The following PCDH15 variants were observed in gnomAD, a reference collection of about 807,000 sequenced individuals.
PCDH15 encodes the protein protocadherin related 15.
Under a neutral mutation model 178.5 loss-of-function variants are expected in PCDH15, and 129 were observed. The observed-to-expected ratio is 0.72, with a 90% confidence interval of 0.63 to 0.84. PCDH15 has a LOEUF of 0.84. PCDH15 is among the 40% of genes least tolerant of loss of function. The probability of loss-of-function intolerance (pLI) is 0.00; values close to 1 mark genes in which losing one functional copy is unlikely to be tolerated. For missense variants in PCDH15, 2,230 were observed against 2,099.9 expected (o/e 1.06, Z -1.21); for synonymous variants, 800 against 732.0 (o/e 1.09, Z -1.50).
chr10:54,732,210 T>A (rs1428866350), intron 1 of PCDH15, among the ~76,000 whole-genome samples: 2 of 151,162 alleles, frequency 1.3e-5, no homozygotes, highest in Non-Finnish European at 3.0e-5. Context: ...AAATTCAAAT[T>A]CATATTAGGA....
rs180720671 is a variant in PCDH15, at chr10:54,305,019, C to T, written c.876+12252G>A. 2.1e-3 allele frequency among the ~76,000 whole-genome samples: 319 copies of T among 152,168 alleles called. 1 individual carries two copies. The highest frequency in any genetic ancestry group is 5.3e-3 in the African/African-American group (222 of 41,548). Reference sequence around the variant, plus strand: ...AAAAAATCTTAATCATAAAGCCCAACACTTATACTATGGCTTCTTAAAAGT... The same window carrying T: ...AAAAAATCTTAATCATAAAGCCCAATACTTATACTATGGCTTCTTAAAAGT... On this transcript the variant is annotated intron_variant, in intron 8 of 37. Transcript: ENST00000644397.
rs557619537 is a variant in PCDH15, at chr10:55,546,935, T to C, written c.-156+80690A>G. Among the ~76,000 whole-genome samples, 11 of 151,966 alleles carry C rather than the reference T, an allele frequency of 7.2e-5. No homozygotes were observed. The South Asian group carries it at 2.3e-3, about 32-fold the overall frequency. On this transcript the variant is annotated intron_variant, in intron 2 of 5. Coordinates refer to the PCDH15 transcript ENST00000613346. ...CTTTCAGTCCATGAGGCAGGTCTGA[T>C]ACCTGTGAAAGAATAAGGGAAAAGA... is the stretch of plus-strand genomic sequence containing the variant.
At chr10:54,349,113 TAAAAC>T (rs1332960350) in intron 5 of PCDH15, among the ~76,000 whole-genome samples, 2 of 152,074 alleles carry the variant, frequency 1.3e-5, no homozygotes, top group East Asian at 3.8e-4. Flanking sequence ...AAAATCAAAA[TAAAAC>T]AAACAAATTT....
intron 2 of PCDH15, among the ~76,000 whole-genome samples, chr10:55,346,045 G>C (rs938923154): frequency 1.3e-5 from 2 of 152,064 alleles, no homozygotes; most frequent in Non-Finnish European, 2.9e-5. Context: ...GAATAGAATT[G>C]TGATGCCATA....
intron 21 of PCDH15, among the ~76,000 whole-genome samples, chr10:53,986,576 A>C (rs929691215): frequency 1.3e-5 from 2 of 152,244 alleles, no homozygotes; most frequent in African/African-American, 4.8e-5. Flanking sequence ...GAAACAGACT[A>C]AATGTTCATT....
At chr10:54,183,683 A>T in intron 12 of PCDH15, 90 bp from the exon 13 acceptor site, 1 of 1,471,232 alleles carries the variant, frequency 6.8e-7, no homozygotes, top group Admixed American at 1.7e-5. Context: ...AGTTTCTTAC[A>T]GGTAATCTTA....
At chr10:54,043,528 C>T (rs1344616875) in intron 18 of PCDH15, among the ~76,000 whole-genome samples, 1 of 151,972 alleles carries the variant, frequency 6.6e-6, no homozygotes, top group Non-Finnish European at 1.5e-5. Flanking sequence ...GCTGGGACTA[C>T]AGGTATGCAC....
intron 3 of PCDH15, among the ~76,000 whole-genome samples, chr10:54,465,115 T>C (rs1020488919): frequency 9.2e-5 from 14 of 152,264 alleles, no homozygotes; most frequent in African/African-American, 3.4e-4. Context: ...TAGGTATATA[T>C]ATTTCTATCT....
intron 2 of PCDH15, among the ~76,000 whole-genome samples, chr10:55,499,370 C>A (rs1396583885): frequency 1.4e-5 from 2 of 146,336 alleles, no homozygotes; most frequent in African/African-American, 5.0e-5. Context: ...TGTAAAGGAG[C>A]AATTTAAACT....
intron 3 of PCDH15, among the ~76,000 whole-genome samples, chr10:54,398,151 CTG>C (rs1305477930): frequency 2.6e-5 from 4 of 151,240 alleles, no homozygotes; most frequent in African/African-American, 7.3e-5. Flanking sequence ...TTATTTTTGC[CTG>C]TCTTTAAGAT....
At chr10:55,350,283 A>G (rs1432235061) in intron 2 of PCDH15, among the ~76,000 whole-genome samples, 1 of 143,034 alleles carries the variant, frequency 7.0e-6, no homozygotes, top group African/African-American at 2.6e-5. Flanking sequence ...ACACACACAC[A>G]CACATACATA....
intron 1 of PCDH15, among the ~76,000 whole-genome samples, chr10:54,682,309 T>A (rs1358958427): frequency 6.6e-6 from 1 of 152,166 alleles, no homozygotes; most frequent in Non-Finnish European, 1.5e-5. Context: ...TTAAAACACT[T>A]GGATAGTAGC....
intron 6 of PCDH15, among the ~76,000 whole-genome samples, chr10:54,336,944 G>T (rs1342186687): frequency 6.6e-6 from 1 of 152,160 alleles, no homozygotes; most frequent in African/African-American, 2.4e-5. Flanking sequence ...GGGTGGAGCT[G>T]CCCAAGACCA....
At chr10:54,938,435 T>C (rs1157200267) in intron 2 of PCDH15, among the ~76,000 whole-genome samples, 1 of 152,148 alleles carries the variant, frequency 6.6e-6, no homozygotes, top group African/African-American at 2.4e-5. Context: ...ATGCCAGCAA[T>C]ACATAGAATG....
chr10:55,339,358 G>C (rs970602936), intron 2 of PCDH15, among the ~76,000 whole-genome samples: 1 of 151,714 alleles, frequency 6.6e-6, no homozygotes, highest in African/African-American at 2.4e-5. Flanking sequence ...ACCTGCTGTC[G>C]GACCAAGGAT....
At chr10:53,824,635 C>CAAACACTTTTACTCTTCGAATCTTGA (rs2076549852) in intron 32 of PCDH15, among the ~76,000 whole-genome samples, 1 of 152,024 alleles carries the variant, frequency 6.6e-6, no homozygotes, top group Non-Finnish European at 1.5e-5. Context: ...AGAGTGCAAA[C>CAAACACTTTTACTCTTCGAATCTTGA]AAACACTTTT....
Position 53,822,469 on chromosome 10 carries a change from T to C in PCDH15, c.4368-2239A>G, listed in dbSNP as rs564747270. On this transcript the variant is annotated intron_variant, in intron 32 of 37. Transcript: ENST00000644397. ...GCAGGAGGAGGAGAAGGAGGAGAAA[T>C]AGGAGGAGGAGGGGGAAGGGGACAG... 6.9e-6 allele frequency: 11 copies of C among 1,599,060 alleles called. No homozygotes were observed. The South Asian group carries it at 1.2e-4, about 18-fold the overall frequency.
intron 1 of PCDH15, among the ~76,000 whole-genome samples, chr10:55,257,444 G>T (rs543854073): frequency 6.6e-6 from 1 of 152,136 alleles, no homozygotes; most frequent in South Asian, 2.1e-4. Flanking sequence ...GAGGAAGTTC[G>T]AACCCATGGC....
intron 2 of PCDH15, among the ~76,000 whole-genome samples, chr10:54,922,417 C>T (rs1409645250): frequency 6.6e-6 from 1 of 152,092 alleles, no homozygotes; most frequent in African/African-American, 2.4e-5. Context: ...ATTCCAAACC[C>T]AGCCGGGCAG....
Sources: allele counts gnomAD v4.1 joint callset (sites outside exome capture counted in the v4.1 genomes callset), GRCh38; gene constraint gnomAD v4.1.1; transcripts MANE v1.5; gene names NCBI Gene and HGNC (gene_info 2026-07-23, HGNC 2026-07-21).